Variants in KCTD2 observed in about 807,000 individuals in gnomAD.
KCTD2 encodes BTB/POZ domain-containing protein KCTD2.
A neutral mutation model predicts 27.9 loss-of-function variants in KCTD2; 18 were observed. The ratio of observed to expected loss-of-function variants is 0.64; its 90% CI spans 0.45 to 0.96. KCTD2 has a LOEUF of 0.96. Ranked by LOEUF, KCTD2 falls within the 40% of genes least tolerant of loss-of-function variation. KCTD2 has a pLI of 0.00. For missense variants in KCTD2, 280 were observed against 348.0 expected, an observed-to-expected ratio of 0.80 and a Z score of 1.56; for synonymous variants, 175 against 148.4, an observed-to-expected ratio of 1.18 and a Z score of -1.30.
At position 75,065,052 on chromosome 17, in the gene KCTD2, C is replaced by T. The variant is rs2073443167; in HGVS notation, c.*2005C>T. On this transcript the variant is annotated 3_prime_UTR_variant, in exon 6 of 6. Coordinates refer to ENST00000322444, the MANE Select transcript of KCTD2 (RefSeq NM_015353.3). ...TTCTCACCAGGTTCAGCAAGGAGGC[C>T]TGGGGGTCAGACACCAATGTTGAGC... 1 of 152,204 alleles carries T rather than the reference C, an allele frequency of 6.6e-6. No individual in the cohort carries two copies. The highest frequency in any genetic ancestry group is 1.5e-5 in the Non-Finnish European group (1 of 68,090). The allele number at this position is 152,204 out of a possible 1,614,324, so 9.4% of individuals were successfully genotyped here. A position where few individuals can be genotyped will look rare whatever the true frequency, so the allele number is the denominator to read the frequency against.
intron 3 of KCTD2, among the ~76,000 whole-genome samples, chr17:75,056,908 C>T (rs2073355036): frequency 6.6e-6 from 1 of 151,216 alleles, no homozygotes; most frequent in Non-Finnish European, 1.5e-5. Context: ...CTCTTAGTGG[C>T]TGCCACCTAA....
intron 3 of KCTD2, among the ~76,000 whole-genome samples, chr17:75,057,079 C>T (rs569750758): frequency 6.6e-6 from 1 of 151,344 alleles, no homozygotes; most frequent in African/African-American, 2.4e-5. Flanking sequence ...CTCAGCTTCC[C>T]GAGTAGCTAG....
At chr17:75,045,192 G>T (rs921734205), upstream of KCTD2, among the ~76,000 whole-genome samples, 25 of 152,184 alleles carry the variant, frequency 1.6e-4, no homozygotes, top group Non-Finnish European at 3.7e-4. Flanking sequence ...TTCAAAAGGG[G>T]AGGGAGTATA....
In KCTD2 at chr17:75,061,863, CG is replaced by C. The variant is rs71361644; in HGVS notation, c.637-249del. On this transcript the variant is annotated intron_variant, in intron 4 of 5. Coordinates refer to ENST00000322444, the MANE Select transcript of KCTD2 (RefSeq NM_015353.3). ...GTGGGCATGTTAATCCTGCCGCTGA[CG>C]GGGGGGGACTTCAGAGCTTGGGTGA... is the stretch of plus-strand genomic sequence containing the variant. 6.5e-4 allele frequency among the ~76,000 whole-genome samples: 99 copies of C among 151,278 alleles called. 2 individuals carry two copies. Among genetic ancestry groups the C allele is most frequent in the Admixed American group, 5.7e-3 (87 of 15,158 alleles).
At chr17:75,035,576 T>TG (rs201650407) in intron 3 of KCTD2, among the ~76,000 whole-genome samples, 6,987 of 152,126 alleles carry the variant, frequency 0.046, 259 homozygotes, top group African/African-American at 0.1. Context: ...ATCCCAACAC[T>TG]TTGGGAGGCT....
At chr17:75,044,029 T>A (rs1428911441), upstream of KCTD2, among the ~76,000 whole-genome samples, 1 of 151,060 alleles carries the variant, frequency 6.6e-6, no homozygotes, top group African/African-American at 2.4e-5. Flanking sequence ...TGCACTTTTT[T>A]TTTTTTTTTT....
At chr17:75,050,183 A>G (rs981218436) in intron 2 of KCTD2, among the ~76,000 whole-genome samples, 1 of 152,222 alleles carries the variant, frequency 6.6e-6, no homozygotes, top group Non-Finnish European at 1.5e-5. Flanking sequence ...TCCAGCTTCA[A>G]CAATTACCAA....
At chr17:75,053,908 C>A (rs1035859314) in intron 3 of KCTD2, among the ~76,000 whole-genome samples, 2 of 142,540 alleles carry the variant, frequency 1.4e-5, no homozygotes, top group African/African-American at 5.4e-5. Flanking sequence ...ACTCTCTCCC[C>A]CAGGCTGGCC....
intron 3 of KCTD2, chr17:75,041,368 AAAG>A (rs2073158245): frequency 1.3e-5 from 2 of 148,836 alleles, no homozygotes; most frequent in South Asian, 2.1e-4. Context: ...AAAAAAAAAA[AAAG>A]AAGAGCAGAG....
intron 3 of KCTD2, among the ~76,000 whole-genome samples, chr17:75,053,858 C>CT (rs71159419): frequency 0.011 from 681 of 59,294 alleles, 115 homozygotes; most frequent in South Asian, 0.019. Flanking sequence ...GTGAACCATG[C>CT]TTTTTTTTTT....
At chr17:75,056,945 C>CTTTTT (rs1437630711) in intron 3 of KCTD2, among the ~76,000 whole-genome samples, 1 of 128,496 alleles carries the variant, frequency 7.8e-6, no homozygotes, top group African/African-American at 2.8e-5. Flanking sequence ...CTTTTTTTTT[C>CTTTTT]TTTTTTCTTT....
intron 3 of KCTD2, chr17:75,040,242 A>C: frequency 1.3e-6 from 2 of 1,530,986 alleles, no homozygotes; most frequent in Non-Finnish European, 1.8e-6. Flanking sequence ...CAATACACCC[A>C]GGAGCTCAAA....
At chr17:75,047,947 C>A (rs1365791152) in intron 1 of KCTD2, among the ~76,000 whole-genome samples, 1 of 152,168 alleles carries the variant, frequency 6.6e-6, no homozygotes, top group East Asian at 1.9e-4. Context: ...CTTCAGTCCC[C>A]CCACTGCCGG....
At chr17:75,060,480 A>G (rs2073393141) in intron 4 of KCTD2, 1 of 1,611,640 alleles carries the variant, frequency 6.2e-7, no homozygotes. Flanking sequence ...TTCAGAAACC[A>G]GGGTTGGAAC....
At chr17:75,060,615 AG>A (rs1428421881) in intron 4 of KCTD2, 1 of 1,598,618 alleles carries the variant, frequency 6.3e-7, no homozygotes, top group Non-Finnish European at 8.5e-7. Context: ...CTGGCTCGCC[AG>A]GTTCATGGCT....
chr17:75,036,201 G>C (rs973279297), intron 3 of KCTD2: 2 of 304,412 alleles, frequency 6.6e-6, no homozygotes, highest in African/African-American at 4.5e-5. Context: ...TTACAGGCGT[G>C]AGCCACTGGG....
upstream of KCTD2, among the ~76,000 whole-genome samples, chr17:75,045,506 G>A (rs974465286): frequency 6.6e-6 from 1 of 152,162 alleles, no homozygotes; most frequent in Non-Finnish European, 1.5e-5. Context: ...ACGCCCCAGG[G>A]GGGCCAGTTC....
At chr17:75,046,926 T>G (rs2073226546), upstream of KCTD2, 1 of 157,794 alleles carries the variant, frequency 6.3e-6, no homozygotes, top group Non-Finnish European at 1.4e-5. Flanking sequence ...CCCACTCACC[T>G]TCACCGACCC....
At chr17:75,053,894 TCTCA>T (rs2073321268) in intron 3 of KCTD2, among the ~76,000 whole-genome samples, 1 of 121,030 alleles carries the variant, frequency 8.3e-6, no homozygotes, top group Non-Finnish European at 1.6e-5. Flanking sequence ...TGAGACAGAG[TCTCA>T]CTCTCTCCCC....
Sources: gnomAD v4.1 joint callset for allele counts (sites outside exome capture counted in the v4.1 genomes callset) on GRCh38, gnomAD v4.1.1 for gene constraint, MANE v1.5 for transcripts, NCBI Gene and HGNC (gene_info 2026-07-23, HGNC 2026-07-21) for gene names.